The following CLHC1 variants were observed in gnomAD, a reference collection of about 807,000 sequenced individuals.
The protein encoded by CLHC1 is clathrin heavy chain linker domain-containing protein 1.
In CLHC1, 72 loss-of-function variants were observed where a neutral mutation model predicts 69.5. That is an observed-to-expected ratio of 1.04 (90% CI 0.86 to 1.26). CLHC1 has a LOEUF of 1.26. Among genes scored for constraint, CLHC1 ranks in the 50% most tolerant of loss-of-function variants. CLHC1 has a pLI of 0.00. For synonymous variants in CLHC1, 223 were observed against 224.3 expected, an observed-to-expected ratio of 0.99 and a Z score of 0.05; for missense variants, 790 against 679.3, an observed-to-expected ratio of 1.16 and a Z score of -1.81.
At chr2:55,200,138 G>A (rs1671800066) in intron 9 of CLHC1, among the ~76,000 whole-genome samples, 1 of 148,734 alleles carries the variant, frequency 6.7e-6, no homozygotes, top group Admixed American at 6.9e-5. Flanking sequence ...TGAGATGGTA[G>A]GATCACTTGA....
At chr2:55,197,954 A>C (rs1671580200) in intron 9 of CLHC1, among the ~76,000 whole-genome samples, 1 of 152,224 alleles carries the variant, frequency 6.6e-6, no homozygotes, top group Admixed American at 6.5e-5. Context: ...AATTTAAGAT[A>C]ACACAGAGAA....
At position 55,209,831 on chromosome 2, in the gene CLHC1, C is replaced by A. The variant is rs1330493255; in HGVS notation, c.500G>T (p.Gly167Val). The A allele has an allele frequency of 1.3e-6, 2 of 1,596,462 alleles. No homozygotes were observed. The highest frequency in any genetic ancestry group is 1.1e-5 in the South Asian group (1 of 90,474). ...ATTCATGGATTCTTGAAGAGTCATG[C>A]CTATGGGGAAAGGGAACAAATCAAA... is the stretch of plus-strand genomic sequence containing the variant. ...FSKDPSKPIPGMTLQESMNLD... is the reference protein window; with the variant it reads ...FSKDPSKPIPVMTLQESMNLD... The change falls in exon 6 of 13, where the codon GGC (glycine) becomes GTC (valine). Residue 167 changes from glycine (G) to valine (V), a missense_variant and splice_region_variant. By Grantham distance (109) the Gly-to-Val change is moderately radical. Coordinates refer to ENST00000401408, the MANE Select transcript of CLHC1 (RefSeq NM_152385.4).
chr2:55,223,743 C>G (rs1302849100), intron 2 of CLHC1, among the ~76,000 whole-genome samples: 4 of 151,978 alleles, frequency 2.6e-5, no homozygotes, highest in Non-Finnish European at 5.9e-5. Context: ...TAGGACGCCC[C>G]GGTGTTCAGA....
At chr2:55,183,955 A>G (rs1255884753) in intron 9 of CLHC1, among the ~76,000 whole-genome samples, 1 of 151,492 alleles carries the variant, frequency 6.6e-6, no homozygotes, top group Non-Finnish European at 1.5e-5. Context: ...TAATTTTTGT[A>G]TTTTTAGTAG....
At chr2:55,228,450 C>A (rs1037254597) in intron 1 of CLHC1, among the ~76,000 whole-genome samples, 1 of 152,198 alleles carries the variant, frequency 6.6e-6, no homozygotes, top group African/African-American at 2.4e-5. Context: ...CATTGAGTTA[C>A]ATAAACCAAC....
rs748855335 is a variant in CLHC1, at chr2:55,217,841, T to C, written c.335A>G (p.Tyr112Cys). ...TTCAAGTTGGATTGTTCTTTTCCTG[T>C]AATATACCAAAGCTGTAGGCTCTGC... ...LAAEPTALVY[Y>C]RKRTIQLEAK... The change falls in exon 4 of 13, where the codon TAC becomes TGC. Residue 112 changes from tyrosine (Y) to cysteine (C), a missense_variant. Tyr to Cys is a radical substitution (Grantham distance 194). Coordinates refer to ENST00000401408, the MANE Select transcript of CLHC1 (RefSeq NM_152385.4). 2 of 1,584,702 alleles carry C rather than the reference T, an allele frequency of 1.3e-6. No homozygotes were observed. The highest frequency in any genetic ancestry group is 1.9e-5 in the Admixed American group (1 of 52,886).
rs532884589 is a variant in CLHC1, at chr2:55,189,634, A to G, written c.1007-7890T>C. Among the ~76,000 whole-genome samples the G allele has an allele frequency of 3.3e-4, 50 of 152,296 alleles. No individual in the cohort carries two copies. In the Middle Eastern group the frequency reaches 0.017, roughly 52 times the overall value. On this transcript the variant is annotated intron_variant, in intron 9 of 12. Transcript: ENST00000401408. The stretch of plus-strand genomic sequence containing the variant: ...GCTGGAAGTCTGGTGAGGTCAATGC[A>G]TATAAAGATCATAGGGCAGAGTACC...
rs1036869003 is a variant in CLHC1 at position 55,187,856 on chromosome 2, T to C, written c.1007-6112A>G. Among the ~76,000 whole-genome samples the C allele has an allele frequency of 2.6e-5, 4 of 152,276 alleles. No homozygotes were observed. In the East Asian group the frequency reaches 5.8e-4, roughly 22 times the overall value. ...TTAAAAACTTCTGTTCATCTTAAGA[T>C]ATCATAATGAGAAAAGATTTTTGTA... is the stretch of plus-strand genomic sequence containing the variant. On this transcript the variant is annotated intron_variant, in intron 9 of 12. Coordinates refer to ENST00000401408, the MANE Select transcript of CLHC1 (RefSeq NM_152385.4).
chr2:55,206,467 C>T (rs1012067268), intron 8 of CLHC1, 91 bp from the exon 9 acceptor site: 12 of 714,034 alleles, frequency 1.7e-5, no homozygotes, highest in South Asian at 6.4e-5. Context: ...CTAAATATAG[C>T]GGCATAACGA....
chr2:55,212,566 CAT>C (rs1478018693), intron 5 of CLHC1, 105 bp downstream of exon 5: 22 of 850,320 alleles, frequency 2.6e-5, no homozygotes, highest in Non-Finnish European at 3.8e-5. Flanking sequence ...AACACACACA[CAT>C]GTGCAAGATG....
chr2:55,223,106 G>C (rs865902456), intron 2 of CLHC1, among the ~76,000 whole-genome samples: 4 of 151,906 alleles, frequency 2.6e-5, no homozygotes, highest in African/African-American at 4.8e-5. Flanking sequence ...AGAAGGTTTG[G>C]TATTTTATAT....
intron 3 of CLHC1, 85 bp downstream of exon 3, chr2:55,222,150 T>C: frequency 1.1e-6 from 1 of 879,486 alleles, no homozygotes; most frequent in Non-Finnish European, 1.8e-6. Context: ...CAAACAGTGG[T>C]GTTACTAAGG....
intron 9 of CLHC1, among the ~76,000 whole-genome samples, chr2:55,192,286 AT>A (rs1671008996): frequency 6.6e-6 from 1 of 151,874 alleles, no homozygotes; most frequent in African/African-American, 2.4e-5. Context: ...TGCCCAGCTA[AT>A]TTTTGTATTT....
Position 55,175,950 on chromosome 2 carries a change from C to A in CLHC1, c.1601G>T (p.Cys534Phe), listed in dbSNP as rs763419511. ...VESLMINDSF[C>F]SIEKWQEVAN... is the part of the protein sequence containing the mutation. ...CACTTCTTGCCACTTTTCTATGGAG[C>A]AAAAGGAATCATTTATCATAAGACT... is the stretch of plus-strand genomic sequence containing the variant. Residue 534 changes from cysteine (C) to phenylalanine (F), a missense_variant, in exon 13 of 13, where the codon TGC becomes TTC. Transcript: ENST00000401408. 2 of 1,613,752 alleles carry A rather than the reference C, an allele frequency of 1.2e-6. No homozygotes were observed. Among genetic ancestry groups the A allele is most frequent in the Non-Finnish European group, 1.7e-6 (2 of 1,179,890 alleles).
chr2:55,181,535 T>G (rs769559287), intron 10 of CLHC1, 35 bp downstream of exon 10: 12 of 1,483,024 alleles, frequency 8.1e-6, no homozygotes, highest in Admixed American at 2.1e-5. Flanking sequence ...ATTAACGAAA[T>G]GTCAAAATTA....
rs1409443810 is a variant in CLHC1, at chr2:55,222,299, A to C, written c.113T>G (p.Leu38Arg). Residue 38 changes from leucine to arginine, a missense_variant, in exon 3 of 13, where the codon CTG (leucine) becomes CGG (arginine). Physicochemically the swap from Leu to Arg is moderately radical, Grantham distance 102. Coordinates refer to ENST00000401408, the MANE Select transcript of CLHC1 (RefSeq NM_152385.4). ...AGCAGGTCCTTCCTCACTACAGCCC[A>C]GTCTTTCAGTTTCTGTAATTATGTA... is the stretch of plus-strand genomic sequence containing the variant. Reference protein sequence around the residue: ...QRYIITETERLGCSEEGPADE... With the variant: ...QRYIITETERRGCSEEGPADE... 3 of 1,613,714 alleles carry C rather than the reference A, an allele frequency of 1.9e-6. No homozygotes were observed. The highest frequency in any genetic ancestry group is 2.5e-6 in the Non-Finnish European group (3 of 1,179,690).
At position 55,174,111 on chromosome 2, in the gene CLHC1, GC is replaced by G. The variant is rs1669180587; in HGVS notation, c.*1678del. ...CATTCCTTTTTTCCATCCTTTATCT[GC>G]TCTTTTCAACAGCCTGTATGAAGGC... On this transcript the variant is annotated 3_prime_UTR_variant, in exon 13 of 13. Transcript: ENST00000401408. 6.6e-6 allele frequency among the ~76,000 whole-genome samples: 1 copy of G among 151,348 alleles called. No homozygotes were observed. The highest frequency in any genetic ancestry group is 2.4e-5 in the African/African-American group (1 of 41,110).
chr2:55,194,173 G>A (rs1327807838), intron 9 of CLHC1, among the ~76,000 whole-genome samples: 1 of 152,104 alleles, frequency 6.6e-6, no homozygotes, highest in Non-Finnish European at 1.5e-5. Flanking sequence ...TTGTAATGAT[G>A]AAAATGTTCT....
At chr2:55,178,075 G>C (rs1669575106) in intron 11 of CLHC1, among the ~76,000 whole-genome samples, 1 of 152,050 alleles carries the variant, frequency 6.6e-6, no homozygotes, top group Non-Finnish European at 1.5e-5. Context: ...TTGGCTACTA[G>C]GAAACCTGAA....
Sources: gnomAD v4.1 joint callset for allele counts (sites outside exome capture counted in the v4.1 genomes callset) on GRCh38, gnomAD v4.1.1 for gene constraint, MANE v1.5 for transcripts, NCBI Gene and HGNC (gene_info 2026-07-23, HGNC 2026-07-21) for gene names.